TANC1: variants seen among roughly 807,000 people sequenced by gnomAD.
The protein encoded by TANC1 is protein TANC1.
TANC1 carries 77 observed loss-of-function variants against 149.7 expected under a neutral mutation model. The ratio of observed to expected loss-of-function variants is 0.51; its 90% CI spans 0.43 to 0.62. TANC1 has a LOEUF of 0.62. Ranked by LOEUF, TANC1 falls within the 20% of genes least tolerant of loss-of-function variation. TANC1 has a pLI of 0.00. For synonymous variants in TANC1, 854 were observed against 925.0 expected, an observed-to-expected ratio of 0.92 and a Z score of 1.39; for missense variants, 1,985 against 2,321.8, an observed-to-expected ratio of 0.85 and a Z score of 2.98.
intron 3 of TANC1, among the ~76,000 whole-genome samples, chr2:159,068,504 T>G (rs899397729): frequency 3.3e-5 from 5 of 152,190 alleles, no homozygotes; most frequent in African/African-American, 1.2e-4. Flanking sequence ...TTACTACACT[T>G]TTATGTTAAA....
chr2:159,137,464 C>T (rs1251927588), intron 5 of TANC1, among the ~76,000 whole-genome samples: 2 of 152,112 alleles, frequency 1.3e-5, no homozygotes, highest in Non-Finnish European at 2.9e-5. Flanking sequence ...GAAATGCCAC[C>T]CTTTTCCTTT....
intron 3 of TANC1, among the ~76,000 whole-genome samples, chr2:159,070,608 T>TA (rs2149720507): frequency 6.6e-6 from 1 of 152,260 alleles, no homozygotes; most frequent in East Asian, 1.9e-4. Flanking sequence ...AGAAAGTGCT[T>TA]AAAGGAAAAT....
At chr2:159,172,378 A>G (rs1203450352) in intron 11 of TANC1, 106 bp downstream of exon 11, 6 of 972,926 alleles carry the variant, frequency 6.2e-6, no homozygotes, top group Non-Finnish European at 9.1e-6. Flanking sequence ...CAACTGCTTA[A>G]TGATAAAGTA....
chr2:158,974,999 C>T (rs2033460220), intron 1 of TANC1, among the ~76,000 whole-genome samples: 3 of 148,616 alleles, frequency 2.0e-5, no homozygotes, highest in African/African-American at 7.5e-5. Flanking sequence ...GATCCTCCTG[C>T]CTTGGCCTCT....
chr2:159,123,864 C>G (rs1205515598), intron 4 of TANC1, among the ~76,000 whole-genome samples: 1 of 152,152 alleles, frequency 6.6e-6, no homozygotes, highest in Non-Finnish European at 1.5e-5. Context: ...CTCTGTGGTC[C>G]CATTCAGTGA....
intron 1 of TANC1, among the ~76,000 whole-genome samples, chr2:158,996,206 A>G (rs947503450): frequency 6.6e-6 from 1 of 152,084 alleles, no homozygotes; most frequent in Non-Finnish European, 1.5e-5. Flanking sequence ...TACTAAAATT[A>G]TTTGATAGCT....
intron 2 of TANC1, among the ~76,000 whole-genome samples, chr2:159,063,736 GATGTGGAAGGT>G (rs1415763117): frequency 6.6e-6 from 1 of 152,190 alleles, no homozygotes; most frequent in Non-Finnish European, 1.5e-5. Context: ...TAAGACCACT[GATGTGGAAGGT>G]ATGTCTATCC....
chr2:159,164,683 G>A (rs570203350), intron 8 of TANC1, among the ~76,000 whole-genome samples: 45 of 152,332 alleles, frequency 3.0e-4, no homozygotes, highest in African/African-American at 1.1e-3. Context: ...CCGCTCCTAC[G>A]TCAGAGAATT....
chr2:159,205,374 A>G (rs753872790), intron 19 of TANC1, among the ~76,000 whole-genome samples: 69 of 152,344 alleles, frequency 4.5e-4, no homozygotes, highest in Non-Finnish European at 9.3e-4. Context: ...GTAAGAATGT[A>G]AAATAAATGT....
intron 4 of TANC1, among the ~76,000 whole-genome samples, chr2:159,110,802 C>T (rs983837299): frequency 6.6e-6 from 1 of 152,136 alleles, no homozygotes; most frequent in African/African-American, 2.4e-5. Flanking sequence ...AGTATCTGTC[C>T]CCTTGATTGT....
chr2:159,069,198 G>A (rs971663869), intron 3 of TANC1, among the ~76,000 whole-genome samples: 1 of 152,178 alleles, frequency 6.6e-6, no homozygotes, highest in African/African-American at 2.4e-5. Flanking sequence ...ATAGAGGCAC[G>A]GTGGAGAATG....
intron 3 of TANC1, among the ~76,000 whole-genome samples, chr2:159,076,343 G>A (rs1270919572): frequency 3.3e-5 from 5 of 152,136 alleles, no homozygotes. Flanking sequence ...TTGTGCTGAG[G>A]CTAGAGATCC....
rs1293125551 is a variant in TANC1, at chr2:159,231,101, T to A, written c.*89T>A. Reference sequence around the variant, plus strand: ...TAGTTTTTTTCATCAGAAAAATTATTTTTTAGCCATTTTTTTTCTTTGGGG... The same window carrying A: ...TAGTTTTTTTCATCAGAAAAATTATATTTTAGCCATTTTTTTTCTTTGGGG... On this transcript the variant is annotated 3_prime_UTR_variant, in exon 27 of 27. Transcript: ENST00000263635. The A allele has an allele frequency of 1.8e-6, 2 of 1,138,826 alleles. No homozygotes were observed. Among genetic ancestry groups the A allele is most frequent in the African/African-American group, 3.1e-5 (2 of 63,712 alleles). The allele number at this position is 1,138,826 out of a possible 1,614,324, so 70.5% of individuals were successfully genotyped here.
intron 8 of TANC1, 100 bp downstream of exon 8, chr2:159,163,646 T>G (rs2054279502): frequency 1.4e-6 from 2 of 1,380,542 alleles, no homozygotes; most frequent in Admixed American, 4.8e-5. Flanking sequence ...ACAAGCCAGC[T>G]TCGTGGCCGT....
rs1450920065 is a variant in TANC1, at chr2:159,219,737, G to A, written c.3548G>A (p.Ser1183Asn). Residue 1183 changes from serine (S) to asparagine (N), a missense_variant, in exon 22 of 27, where the codon AGC becomes AAC. Physicochemically the swap from Ser to Asn is conservative, Grantham distance 46. Transcript: ENST00000263635. Reference sequence around the variant, plus strand: ...GACAAAGAGGGTCTGTCAGCATTAAGCTGGGCTTGTCTGAAAGGTCACAGG... The same window carrying A: ...GACAAAGAGGGTCTGTCAGCATTAAACTGGGCTTGTCTGAAAGGTCACAGG... ...SLDKEGLSAL[S>N]WACLKGHRAV... The A allele has an allele frequency of 1.2e-6, 2 of 1,614,248 alleles. No individual in the cohort carries two copies. Among genetic ancestry groups the A allele is most frequent in the Admixed American group, 1.7e-5 (1 of 60,030 alleles).
Position 159,194,446 on chromosome 2 carries a change from G to T in TANC1, c.2932G>T (p.Ala978Ser). 6.2e-7 allele frequency: 1 copy of T among 1,614,288 alleles called. No individual in the cohort carries two copies. Among genetic ancestry groups the T allele is most frequent in the South Asian group, 1.1e-5 (1 of 91,090 alleles). The change falls in exon 17 of 27, where the codon GCT becomes TCT. Residue 978 changes from alanine (A) to serine (S), a missense_variant. Ala to Ser is a moderately conservative substitution (Grantham distance 99). Transcript: ENST00000263635. Reference sequence around the variant, plus strand: ...GACTGCCCTCTGTTACGCAGCAGCTGCTGGCCACATGAAGCTGGTGTGTCT... The same window carrying T: ...GACTGCCCTCTGTTACGCAGCAGCTTCTGGCCACATGAAGCTGGTGTGTCT... The part of the protein sequence containing the change: ...GMTALCYAAA[A>S]GHMKLVCLLT...
intron 1 of TANC1, among the ~76,000 whole-genome samples, chr2:158,979,329 A>T (rs1054059582): frequency 3.3e-5 from 5 of 151,300 alleles, no homozygotes; most frequent in South Asian, 2.1e-4. Flanking sequence ...TCTCTACAAA[A>T]TTTTTTTTTA....
At chr2:159,182,047 A>T (rs1194339802) in intron 14 of TANC1, among the ~76,000 whole-genome samples, 1 of 151,932 alleles carries the variant, frequency 6.6e-6, no homozygotes, top group Admixed American at 6.6e-5. Context: ...TAAAAATACA[A>T]AAAAAAGAAA....
intron 1 of TANC1, among the ~76,000 whole-genome samples, chr2:158,988,325 C>CTAA (rs2035243126): frequency 1.9e-4 from 17 of 87,400 alleles, no homozygotes; most frequent in East Asian, 6.4e-4. Context: ...GACCCTGTCC[C>CTAA]AAAAAAAAAA....
Sources: allele counts gnomAD v4.1 joint callset (sites outside exome capture counted in the v4.1 genomes callset), GRCh38; gene constraint gnomAD v4.1.1; transcripts MANE v1.5; gene names NCBI Gene and HGNC (gene_info 2026-07-23, HGNC 2026-07-21).